The following TANC1 variants were observed in gnomAD, a reference collection of about 807,000 sequenced individuals.
TANC1 encodes protein TANC1.
Under a neutral mutation model 149.7 loss-of-function variants are expected in TANC1, and 77 were observed. The observed-to-expected ratio is 0.51, with a 90% CI of 0.43 to 0.62. TANC1 has a LOEUF of 0.62. Ranked by LOEUF, TANC1 falls within the 20% of genes least tolerant of loss-of-function variation. TANC1 has a pLI of 0.00. For missense variants in TANC1, 1,985 were observed against 2,321.8 expected (o/e 0.85, Z 2.98); for synonymous variants, 854 against 925.0 (o/e 0.92, Z 1.39).
intron 3 of TANC1, among the ~76,000 whole-genome samples, chr2:159,091,315 T>A (rs1039098109): frequency 3.9e-5 from 6 of 152,174 alleles, no homozygotes; most frequent in African/African-American, 1.4e-4. Flanking sequence ...AATGCCTAAT[T>A]TGTGGCGTGG....
intron 1 of TANC1, among the ~76,000 whole-genome samples, chr2:158,971,703 A>G (rs1246199010): frequency 6.6e-6 from 1 of 151,978 alleles, no homozygotes; most frequent in Non-Finnish European, 1.5e-5. Context: ...AAGTTCTGTG[A>G]CTCTCCAAAA....
chr2:159,098,620 T>A (rs965726564), intron 4 of TANC1, among the ~76,000 whole-genome samples: 1 of 152,214 alleles, frequency 6.6e-6, no homozygotes, highest in Non-Finnish European at 1.5e-5. Context: ...AAAGTTTGTT[T>A]GTGAAAACTC....
At chr2:159,106,820 G>A (rs1483343171) in intron 4 of TANC1, among the ~76,000 whole-genome samples, 2 of 152,102 alleles carry the variant, frequency 1.3e-5, no homozygotes, top group Admixed American at 1.3e-4. Context: ...TCATATCCTT[G>A]CCAATGCTTG....
chr2:159,036,609 G>A (rs1442711954), intron 2 of TANC1, among the ~76,000 whole-genome samples: 1 of 152,086 alleles, frequency 6.6e-6, no homozygotes, highest in Non-Finnish European at 1.5e-5. Flanking sequence ...AACATGCAGT[G>A]TTTGGTTTTC....
intron 3 of TANC1, among the ~76,000 whole-genome samples, chr2:159,089,244 T>C (rs2045282110): frequency 6.6e-6 from 1 of 152,220 alleles, no homozygotes; most frequent in Non-Finnish European, 1.5e-5. Flanking sequence ...GGAAATTCTT[T>C]CCTTTTCTGG....
intron 2 of TANC1, among the ~76,000 whole-genome samples, chr2:159,015,686 A>T (rs1012161450): frequency 1.3e-5 from 2 of 152,006 alleles, no homozygotes; most frequent in African/African-American, 4.8e-5. Flanking sequence ...CTGCTTAGAA[A>T]TTTTTTCTGT....
At chr2:159,138,102 G>T (rs944349625) in intron 5 of TANC1, among the ~76,000 whole-genome samples, 6 of 151,976 alleles carry the variant, frequency 3.9e-5, no homozygotes, top group Non-Finnish European at 7.3e-5. Flanking sequence ...TGCTGGAGTG[G>T]CCTGAAGTTT....
rs564786831 is a variant in TANC1 at position 159,163,648 on chromosome 2, C to T, written c.946+102C>T. Reference sequence around the variant, plus strand: ...AGACACTCCAGATACAAGCCAGCTTCGTGGCCGTGGGTCAGGCACTTACCT... The same window carrying T: ...AGACACTCCAGATACAAGCCAGCTTTGTGGCCGTGGGTCAGGCACTTACCT... On this transcript the variant is annotated intron_variant, in intron 8 of 26. Transcript: ENST00000263635. The T allele has an allele frequency of 2.3e-4, 310 of 1,360,432 alleles. 2 individuals carry two copies. In the Middle Eastern group the frequency reaches 2.4e-3, roughly 11 times the overall value. The allele number at this position is 1,360,432 out of a possible 1,614,324, so 84.3% of individuals were successfully genotyped here. A position where few individuals can be genotyped will look rare whatever the true frequency, so the allele number is the denominator to read the frequency against.
intron 4 of TANC1, among the ~76,000 whole-genome samples, chr2:159,120,568 A>T (rs551471779): frequency 6.6e-6 from 1 of 152,280 alleles, no homozygotes; most frequent in South Asian, 2.1e-4. Context: ...TTAAAATTCA[A>T]TGTGTCAATC....
At chr2:158,980,089 G>C (rs543417963) in intron 1 of TANC1, among the ~76,000 whole-genome samples, 5 of 152,346 alleles carry the variant, frequency 3.3e-5, no homozygotes, top group African/African-American at 1.2e-4. Flanking sequence ...GTCTTAGGAA[G>C]TTAACAGGTG....
intron 3 of TANC1, among the ~76,000 whole-genome samples, chr2:159,071,652 A>G (rs2043164475): frequency 6.6e-6 from 1 of 152,214 alleles, no homozygotes; most frequent in African/African-American, 2.4e-5. Flanking sequence ...CCTGGCTTTC[A>G]GTGGTACCTT....
intron 2 of TANC1, among the ~76,000 whole-genome samples, chr2:159,007,562 G>A (rs1364511754): frequency 1.3e-5 from 2 of 152,150 alleles, no homozygotes; most frequent in African/African-American, 4.8e-5. Context: ...TGTATCCTAG[G>A]AGCAATAGTC....
In TANC1 at chr2:159,020,458, C is replaced by T. The variant is rs116391481; in HGVS notation, c.-16+19269C>T. 2.9e-3 allele frequency among the ~76,000 whole-genome samples: 433 copies of T among 151,644 alleles called. 5 individuals carry two copies. Among genetic ancestry groups the T allele is most frequent in the African/African-American group, 0.01 (424 of 41,412 alleles). ...AGGACTTTAAAGTGATTTTTTTTTT[C>T]CTTCAGAAAAAGTCCCACCAAAGAA... On this transcript the variant is annotated intron_variant, in intron 2 of 26. Transcript: ENST00000263635.
intron 15 of TANC1, among the ~76,000 whole-genome samples, chr2:159,186,586 T>TGA (rs2056985927): frequency 6.6e-6 from 1 of 152,064 alleles, no homozygotes; most frequent in South Asian, 2.1e-4. Flanking sequence ...GAGGTTGAAG[T>TGA]GAGTTGAGAT....
chr2:159,199,867 T>G (rs2058119545), intron 19 of TANC1, among the ~76,000 whole-genome samples: 1 of 152,218 alleles, frequency 6.6e-6, no homozygotes. Context: ...TGTGAAGAGC[T>G]TATTAGATAG....
chr2:159,150,662 T>C, intron 7 of TANC1, 106 bp downstream of exon 7: 6 of 797,380 alleles, frequency 7.5e-6, no homozygotes, highest in African/African-American at 1.7e-5. Flanking sequence ...AAGGTCAGTC[T>C]GCCAGCGCCT....
At chr2:159,005,189 G>A (rs1478081184) in intron 2 of TANC1, among the ~76,000 whole-genome samples, 3 of 152,136 alleles carry the variant, frequency 2.0e-5, no homozygotes, top group Admixed American at 6.5e-5. Flanking sequence ...CATCACACAC[G>A]TTACAGTGCT....
At chr2:159,178,162 G>A (rs564921651) in intron 13 of TANC1, among the ~76,000 whole-genome samples, 1 of 152,348 alleles carries the variant, frequency 6.6e-6, no homozygotes, top group South Asian at 2.1e-4. Context: ...TCTTAGATGT[G>A]CAGTGTTGGT....
chr2:159,208,030 G>A (rs969042166), intron 19 of TANC1, among the ~76,000 whole-genome samples: 1 of 152,176 alleles, frequency 6.6e-6, no homozygotes, highest in Non-Finnish European at 1.5e-5. Flanking sequence ...TTCCCTTTGT[G>A]ATTTGGGGCA....
Sources: allele counts gnomAD v4.1 joint callset (sites outside exome capture counted in the v4.1 genomes callset), GRCh38; gene constraint gnomAD v4.1.1; transcripts MANE v1.5; gene names NCBI Gene and HGNC (gene_info 2026-07-23, HGNC 2026-07-21).